The following PTPN13 variants were observed in gnomAD, a reference collection of about 807,000 sequenced individuals.
PTPN13 encodes protein tyrosine phosphatase non-receptor type 13, also known as tyrosine-protein phosphatase non-receptor type 13.
In PTPN13, 191 loss-of-function variants were observed where a neutral mutation model predicts 284.0. The ratio of observed to expected loss-of-function variants is 0.67; its 90% confidence interval spans 0.60 to 0.76. The LOEUF is 0.76. Ranked by LOEUF, PTPN13 falls within the 30% of genes least tolerant of loss-of-function variation. PTPN13 has a pLI of 0.00. For synonymous variants in PTPN13, 986 were observed against 1,022.3 expected, an observed-to-expected ratio of 0.96 and a Z score of 0.68; for missense variants, 2,797 against 2,939.9, an observed-to-expected ratio of 0.95 and a Z score of 1.12.
intron 1 of PTPN13, among the ~76,000 whole-genome samples, chr4:86,613,105 G>A (rs1720111304): frequency 6.6e-6 from 1 of 152,162 alleles, no homozygotes; most frequent in Admixed American, 6.5e-5. Context: ...AATAGGCTGA[G>A]AAAAGTAAAT....
chr4:86,636,274 G>A (rs1723007667), intron 2 of PTPN13, among the ~76,000 whole-genome samples: 1 of 152,174 alleles, frequency 6.6e-6, no homozygotes, highest in South Asian at 2.1e-4. Context: ...CTGTGGAGGA[G>A]GTCACTTGGT....
chr4:86,617,796 T>C (rs1330435251), intron 1 of PTPN13, among the ~76,000 whole-genome samples: 1 of 152,238 alleles, frequency 6.6e-6, no homozygotes, highest in African/African-American at 2.4e-5. Flanking sequence ...TGTAAATTTG[T>C]TTGAATTCTT....
At chr4:86,693,533 A>G in intron 5 of PTPN13, 54 bp from the exon 6 acceptor site, 1 of 1,236,566 alleles carries the variant, frequency 8.1e-7, no homozygotes, top group Non-Finnish European at 1.1e-6. Context: ...AGTTACCATG[A>G]AAACAAAAGG....
intron 1 of PTPN13, among the ~76,000 whole-genome samples, chr4:86,606,331 A>T (rs765445199): frequency 1.3e-5 from 2 of 151,844 alleles, no homozygotes; most frequent in Non-Finnish European, 3.0e-5. Context: ...AACTGTTTAA[A>T]TCAAAATCTT....
At chr4:86,687,772 C>T (rs1311474930) in intron 4 of PTPN13, among the ~76,000 whole-genome samples, 6 of 151,856 alleles carry the variant, frequency 4.0e-5, no homozygotes, top group Non-Finnish European at 8.8e-5. Context: ...TGATCACAGT[C>T]TATAACACTT....
chr4:86,743,177 T>A (rs1736345705), intron 16 of PTPN13, among the ~76,000 whole-genome samples: 2 of 152,184 alleles, frequency 1.3e-5, no homozygotes, highest in African/African-American at 4.8e-5. Flanking sequence ...TTGGAGAGAA[T>A]CAAATATTCT....
intron 1 of PTPN13, among the ~76,000 whole-genome samples, chr4:86,607,233 A>G (rs1764847841): frequency 6.6e-6 from 1 of 151,876 alleles, no homozygotes. Flanking sequence ...TCTACATTTT[A>G]CAACCTTTTT....
chr4:86,794,072 G>T (rs1274717539), intron 40 of PTPN13, among the ~76,000 whole-genome samples: 1 of 152,114 alleles, frequency 6.6e-6, no homozygotes, highest in Non-Finnish European at 1.5e-5. Flanking sequence ...CTAGTTTTTT[G>T]AAAATATCAA....
At chr4:86,687,649 TA>T (rs1475552345) in intron 4 of PTPN13, among the ~76,000 whole-genome samples, 1 of 152,106 alleles carries the variant, frequency 6.6e-6, no homozygotes, top group Admixed American at 6.5e-5. Flanking sequence ...TCATGAAAAA[TA>T]ATGTATATTT....
intron 20 of PTPN13, 120 bp from the exon 21 acceptor site, chr4:86,758,140 T>C (rs1239168774): frequency 1.7e-6 from 1 of 572,618 alleles, no homozygotes; most frequent in Non-Finnish European, 3.0e-6. Context: ...AAACTTAAAA[T>C]ATATGTTTAA....
At chr4:86,652,358 A>AT (rs777887563) in intron 2 of PTPN13, among the ~76,000 whole-genome samples, 48 of 152,214 alleles carry the variant, frequency 3.2e-4, no homozygotes, top group Non-Finnish European at 5.1e-4. Flanking sequence ...TCACTAGTGA[A>AT]TTTTATTCTG....
Position 86,701,174 on chromosome 4 carries a change from A to T in PTPN13, c.635-67A>T, listed in dbSNP as rs1319108271. On this transcript the variant is annotated intron_variant, in intron 6 of 47. Transcript: ENST00000411767. ...AATTGCCACCACTTTCATTGTCAAT[A>T]GTGGATTACATTTCCATTTATTTTC... The T allele has an allele frequency of 5.7e-6, 7 of 1,224,598 alleles. No homozygotes were observed. The East Asian group carries it at 1.8e-4, about 31-fold the overall frequency. The allele number at this position is 1,224,598 out of a possible 1,614,324, so 75.9% of individuals were successfully genotyped here. A position where few individuals can be genotyped will look rare whatever the true frequency, so the allele number is the denominator to read the frequency against.
chr4:86,746,888 C>A (rs536869123), intron 17 of PTPN13, among the ~76,000 whole-genome samples: 1 of 152,142 alleles, frequency 6.6e-6, no homozygotes, highest in Admixed American at 6.6e-5. Flanking sequence ...CCTCGGCCTC[C>A]CAACTCAGTA....
rs747739784 is a variant in PTPN13 at position 86,745,134 on chromosome 4, G to C, written c.2650+6G>C. ...CCAAGATGCCCAAGATATTGGTAAGGAGAAGCAGACTATTTCAGATGACTC... is the reference window on the plus strand; with the variant it reads ...CCAAGATGCCCAAGATATTGGTAAGCAGAAGCAGACTATTTCAGATGACTC... On this transcript the variant is annotated splice_donor_region_variant and intron_variant, in intron 17 of 47. Transcript: ENST00000411767. 3.1e-6 allele frequency: 5 copies of C among 1,600,784 alleles called. No homozygotes were observed. Among genetic ancestry groups the C allele is most frequent in the Non-Finnish European group, 4.3e-6 (5 of 1,174,476 alleles).
intron 16 of PTPN13, 56 bp downstream of exon 16, chr4:86,741,872 A>G (rs926165636): frequency 1.1e-5 from 16 of 1,432,350 alleles, no homozygotes; most frequent in African/African-American, 7.1e-5. Flanking sequence ...CCAACTTCCA[A>G]TGTAACATAT....
At chr4:86,692,896 A>G (rs1463943675) in intron 5 of PTPN13, among the ~76,000 whole-genome samples, 1 of 152,000 alleles carries the variant, frequency 6.6e-6, no homozygotes, top group African/African-American at 2.4e-5. Context: ...CCTGGCCAAC[A>G]TGGTGAAACC....
chr4:86,613,654 G>A (rs1217058250), intron 1 of PTPN13, among the ~76,000 whole-genome samples: 2 of 142,472 alleles, frequency 1.4e-5, no homozygotes, highest in Non-Finnish European at 3.1e-5. Context: ...AAAAAAAAGA[G>A]TTTGGGGAGT....
At chr4:86,806,072 G>A (rs986973935) in intron 44 of PTPN13, among the ~76,000 whole-genome samples, 1 of 151,450 alleles carries the variant, frequency 6.6e-6, no homozygotes, top group Admixed American at 6.6e-5. Flanking sequence ...CAGGAGGATC[G>A]CTTGAACCCG....
chr4:86,637,030 A>T (rs1034455996), intron 2 of PTPN13, among the ~76,000 whole-genome samples: 1 of 152,204 alleles, frequency 6.6e-6, no homozygotes, highest in Non-Finnish European at 1.5e-5. Flanking sequence ...ACAAACTACC[A>T]TCAGAGAATA....
Sources: allele counts gnomAD v4.1 joint callset (sites outside exome capture counted in the v4.1 genomes callset), GRCh38; gene constraint gnomAD v4.1.1; transcripts MANE v1.5; gene names NCBI Gene and HGNC (gene_info 2026-07-23, HGNC 2026-07-21).